DIP2C: variants seen among roughly 807,000 people sequenced by gnomAD.
DIP2C encodes the protein disco-interacting protein 2 homolog C.
A neutral mutation model predicts 192.4 loss-of-function variants in DIP2C; 33 were observed. The ratio of observed to expected loss-of-function variants is 0.17; its 90% CI spans 0.13 to 0.23. DIP2C has a LOEUF of 0.23. Ranked by LOEUF, DIP2C falls within the 10% of genes least tolerant of loss-of-function variation. The pLI is 1.00. For missense variants in DIP2C, 1,537 were observed against 2,110.1 expected (o/e 0.73, Z 5.32); for synonymous variants, 979 against 864.1 (o/e 1.13, Z -2.33).
intron 1 of DIP2C, among the ~76,000 whole-genome samples, chr10:556,251 C>G: frequency 2.1e-5 from 1 of 47,206 alleles, no homozygotes; most frequent in African/African-American, 8.7e-5. Context: ...CCTCCCACAG[C>G]CGGATCCCAG....
At chr10:371,674 C>CAGAGCAGCACCCGAGGGAGGCTGGGG (rs1960977252) in intron 17 of DIP2C, among the ~76,000 whole-genome samples, 1 of 104,116 alleles carries the variant, frequency 9.6e-6, no homozygotes, top group Admixed American at 8.4e-5. Flanking sequence ...CTGGGCTGAG[C>CAGAGCAGCACCCGAGGGAGGCTGGGG]TGAGCAGCAC....
At chr10:638,884 C>T (rs181271655) in intron 1 of DIP2C, among the ~76,000 whole-genome samples, 14 of 152,362 alleles carry the variant, frequency 9.2e-5, no homozygotes, top group African/African-American at 3.1e-4. Flanking sequence ...ATTCCGCCTC[C>T]GGGCCCTTTT....
At chr10:581,361 C>CA (rs1209498136) in intron 1 of DIP2C, among the ~76,000 whole-genome samples, 2 of 152,158 alleles carry the variant, frequency 1.3e-5, no homozygotes, top group South Asian at 2.1e-4. Context: ...AAAATACAGG[C>CA]AGTCTTCTGC....
intron 1 of DIP2C, among the ~76,000 whole-genome samples, chr10:621,649 T>G (rs1280753543): frequency 2.0e-5 from 3 of 152,074 alleles, no homozygotes; most frequent in Admixed American, 6.5e-5. Context: ...AGACCCCTCG[T>G]GTGATCCTGC....
chr10:686,890 G>A (rs182755042), intron 1 of DIP2C, among the ~76,000 whole-genome samples: 5 of 152,364 alleles, frequency 3.3e-5, no homozygotes, highest in Admixed American at 2.6e-4. Context: ...CGTAACCCAC[G>A]CAGGCTGGCA....
At chr10:394,241 G>A (rs1235371237) in intron 10 of DIP2C, among the ~76,000 whole-genome samples, 1 of 152,180 alleles carries the variant, frequency 6.6e-6, no homozygotes, top group Non-Finnish European at 1.5e-5. Flanking sequence ...AGCGAGGAGG[G>A]AAGCCGGGCC....
At chr10:407,693 T>A (rs1964902484) in intron 9 of DIP2C, among the ~76,000 whole-genome samples, 1 of 152,196 alleles carries the variant, frequency 6.6e-6, no homozygotes, top group South Asian at 2.1e-4. Context: ...CTGAGCATCT[T>A]TTCATGTGTT....
intron 1 of DIP2C, chr10:669,053 T>G (rs2132130227): frequency 6.6e-6 from 1 of 152,076 alleles, no homozygotes; most frequent in South Asian, 2.1e-4. Context: ...GGAACGGGGT[T>G]GGTGACGGTA....
intron 1 of DIP2C, among the ~76,000 whole-genome samples, chr10:486,750 G>C (rs561017272): frequency 6.6e-6 from 1 of 152,114 alleles, no homozygotes; most frequent in Non-Finnish European, 1.5e-5. Flanking sequence ...TTAAACACAC[G>C]CCTGTTTCTG....
chr10:674,495 T>C (rs7088849), intron 1 of DIP2C, among the ~76,000 whole-genome samples: 148,332 of 152,032 alleles, frequency 0.98, 72,461 homozygotes, highest in East Asian at 1. Flanking sequence ...AGAGGCGGGG[T>C]GCAGTGCCTC....
chr10:477,713 A>G (rs1843171017), intron 2 of DIP2C, among the ~76,000 whole-genome samples: 1 of 142,120 alleles, frequency 7.0e-6, no homozygotes, highest in African/African-American at 2.6e-5. Context: ...AGAATAAAGG[A>G]GAGAGAAGAA....
At chr10:601,524 A>AT (rs1242081838) in intron 1 of DIP2C, among the ~76,000 whole-genome samples, 1 of 152,218 alleles carries the variant, frequency 6.6e-6, no homozygotes, top group East Asian at 1.9e-4. Context: ...CTAAAAATGC[A>AT]TTCCCAGACT....
intron 1 of DIP2C, among the ~76,000 whole-genome samples, chr10:571,996 C>T (rs1181028550): frequency 2.6e-5 from 4 of 152,294 alleles, no homozygotes; most frequent in East Asian, 1.9e-4. Context: ...TTCATGTTTG[C>T]GAAATCTAAG....
In DIP2C at chr10:469,380, G is replaced by C. The variant is rs138235569; in HGVS notation, c.268+3059C>G. 1.1e-3 allele frequency among the ~76,000 whole-genome samples: 168 copies of C among 146,416 alleles called. 2 individuals carry two copies. In the East Asian group the frequency reaches 0.029, roughly 26 times the overall value. ...CGCCGAGGCTGGAGTGCAGTGGTAT[G>C]ATCTCAGGTCACGGCAACCTCCACC... On this transcript the variant is annotated intron_variant, in intron 3 of 36. Coordinates refer to ENST00000280886, the MANE Select transcript of DIP2C (RefSeq NM_014974.3).
At chr10:643,483 C>T (rs1312876766) in intron 1 of DIP2C, among the ~76,000 whole-genome samples, 1 of 152,124 alleles carries the variant, frequency 6.6e-6, no homozygotes, top group African/African-American at 2.4e-5. Flanking sequence ...CACTGCACTC[C>T]AGCCTGGGTG....
At chr10:410,191 T>C (rs1020486841) in intron 8 of DIP2C, among the ~76,000 whole-genome samples, 2 of 152,256 alleles carry the variant, frequency 1.3e-5, no homozygotes, top group South Asian at 2.1e-4. Context: ...CCCTTGCTAA[T>C]GAGAACGTGA....
rs974888401 is a variant in DIP2C, at chr10:364,441, G to A, written c.2410C>T (p.His804Tyr). 6.2e-7 allele frequency: 1 copy of A among 1,613,976 alleles called. No homozygotes were observed. The highest frequency in any genetic ancestry group is 1.3e-5 in the African/African-American group (1 of 74,916). The change falls in exon 20 of 37, where the codon CAC becomes TAC. Residue 804 changes from histidine to tyrosine, a missense_variant. Physicochemically the swap from His to Tyr is moderately conservative, Grantham distance 83. Transcript: ENST00000280886. ...GTGGCCACGATGTCGTCGGCGTTGT[G>A]CCTGCGCCCGCTGACCACCATGAGG... is the stretch of plus-strand genomic sequence containing the variant. ...DGLMVVSGRR[H>Y]NADDIVATAL...
chr10:537,631 G>A (rs1847765028), intron 1 of DIP2C, among the ~76,000 whole-genome samples: 2 of 151,780 alleles, frequency 1.3e-5, no homozygotes, highest in South Asian at 2.1e-4. Context: ...GTTTCAGCCA[G>A]GCTTGTGTTT....
chr10:416,471 A>G (rs541086876), intron 6 of DIP2C, among the ~76,000 whole-genome samples: 48 of 152,258 alleles, frequency 3.2e-4, no homozygotes, highest in African/African-American at 9.4e-4. Context: ...TGAGCTCCTC[A>G]CACGCGTTCC....
Sources: allele counts gnomAD v4.1 joint callset (sites outside exome capture counted in the v4.1 genomes callset), GRCh38; gene constraint gnomAD v4.1.1; transcripts MANE v1.5; gene names NCBI Gene and HGNC (gene_info 2026-07-23, HGNC 2026-07-21).